SORCS2: variants seen among roughly 807,000 people sequenced by gnomAD.
SORCS2 encodes VPS10 domain-containing receptor SorCS2.
SORCS2 carries 100 observed loss-of-function variants against 141.6 expected under a neutral mutation model. The observed-to-expected ratio is 0.71, with a 90% confidence interval of 0.60 to 0.83. SORCS2 has a LOEUF of 0.83. Ranked by LOEUF, SORCS2 falls within the 40% of genes least tolerant of loss-of-function variation. SORCS2 has a pLI of 0.00. For synonymous variants in SORCS2, 789 were observed against 676.9 expected (o/e 1.17, Z -2.57); for missense variants, 1,646 against 1,560.2 (o/e 1.05, Z -0.93).
At chr4:7,247,694 CGGGGCGCGGCCTG>C (rs1485403648) in intron 1 of SORCS2, among the ~76,000 whole-genome samples, 4 of 152,180 alleles carry the variant, frequency 2.6e-5, no homozygotes, top group African/African-American at 9.7e-5. Flanking sequence ...AGGTGGGCAG[CGGGGCGCGGCCTG>C]GGGGACCTGG....
In SORCS2 at chr4:7,638,618, C is replaced by T. The variant is rs966037741; in HGVS notation, c.813+126C>T. The T allele has an allele frequency of 3.9e-5, 39 of 1,008,346 alleles. 2 individuals carry two copies. The highest frequency in any genetic ancestry group is 5.2e-4 in the Middle Eastern group (2 of 3,814). The allele number at this position is 1,008,346 out of a possible 1,614,324, so 62.5% of individuals were successfully genotyped here. On this transcript the variant is annotated intron_variant, in intron 4 of 26. Coordinates refer to ENST00000507866, the MANE Select transcript of SORCS2 (RefSeq NM_020777.3). The stretch of plus-strand genomic sequence containing the variant: ...CTGGGCTGGCTGAGGAGGAGCCTCC[C>T]GGGGCTGGGGGCCGGGATGCTGGAC...
chr4:7,317,824 A>G (rs2336115), intron 1 of SORCS2, among the ~76,000 whole-genome samples: 89,619 of 152,010 alleles, frequency 0.59, 26,489 homozygotes, highest in South Asian at 0.72. Context: ...TCCACCATTC[A>G]GCTGATTCTA....
chr4:7,556,168 G>T (rs954035508), intron 3 of SORCS2, among the ~76,000 whole-genome samples: 1 of 152,212 alleles, frequency 6.6e-6, no homozygotes, highest in African/African-American at 2.4e-5. Flanking sequence ...TCCAGGTGAG[G>T]GGTGATGGGG....
intron 1 of SORCS2, among the ~76,000 whole-genome samples, chr4:7,279,626 C>T (rs1317247409): frequency 6.6e-6 from 1 of 152,204 alleles, no homozygotes; most frequent in Non-Finnish European, 1.5e-5. Context: ...CAAGGCATGG[C>T]GCAGGCCTTA....
At chr4:7,464,202 A>G (rs562484686) in intron 2 of SORCS2, among the ~76,000 whole-genome samples, 1 of 152,184 alleles carries the variant, frequency 6.6e-6, no homozygotes, top group Non-Finnish European at 1.5e-5. Flanking sequence ...CAGTGCTGGG[A>G]TTCAACCTGC....
intron 1 of SORCS2, among the ~76,000 whole-genome samples, chr4:7,340,660 C>T (rs575138584): frequency 3.3e-5 from 5 of 152,316 alleles, no homozygotes; most frequent in African/African-American, 9.6e-5. Flanking sequence ...CGCTTGCACA[C>T]CTGTGGGTGG....
At chr4:7,293,075 C>G (rs189106940) in intron 1 of SORCS2, among the ~76,000 whole-genome samples, 4 of 152,050 alleles carry the variant, frequency 2.6e-5, no homozygotes, top group African/African-American at 9.7e-5. Context: ...AGGCCCGAGG[C>G]GGGCGGATCA....
At position 7,430,581 on chromosome 4, in the gene SORCS2, T is replaced by G. The variant is rs1285453018; in HGVS notation, c.548+34226T>G. ...TGTGTCTGGCTGAAGGTGCAGGTACTTGCTCGGCTCTGGCAGCCCGGCGGG... is the reference window on the plus strand; with the variant it reads ...TGTGTCTGGCTGAAGGTGCAGGTACGTGCTCGGCTCTGGCAGCCCGGCGGG... On this transcript the variant is annotated intron_variant, in intron 2 of 26. Coordinates refer to ENST00000507866, the MANE Select transcript of SORCS2 (RefSeq NM_020777.3). 6 of 152,164 alleles carry G rather than the reference T, an allele frequency of 3.9e-5. No homozygotes were observed. In the East Asian group the frequency reaches 1.2e-3, roughly 29 times the overall value. The allele number at this position is 152,164 out of a possible 1,614,324, so 9.4% of individuals were successfully genotyped here.
intron 3 of SORCS2, among the ~76,000 whole-genome samples, chr4:7,607,128 T>G (rs1367374390): frequency 6.6e-6 from 1 of 152,240 alleles, no homozygotes; most frequent in Non-Finnish European, 1.5e-5. Context: ...TAGTATTTCA[T>G]TGACTTCATG....
chr4:7,551,706 C>G (rs149435661), intron 3 of SORCS2, among the ~76,000 whole-genome samples: 1 of 152,194 alleles, frequency 6.6e-6, no homozygotes, highest in Non-Finnish European at 1.5e-5. Context: ...CACCCTCACC[C>G]GGAGCCTTCC....
intron 3 of SORCS2, among the ~76,000 whole-genome samples, chr4:7,608,203 C>T (rs1223091118): frequency 6.6e-6 from 1 of 152,176 alleles, no homozygotes; most frequent in Non-Finnish European, 1.5e-5. Context: ...GCCTGCCATG[C>T]TCCCTGGCAG....
chr4:7,617,054 T>A (rs1249027530), intron 3 of SORCS2, among the ~76,000 whole-genome samples: 2 of 152,236 alleles, frequency 1.3e-5, no homozygotes, highest in Non-Finnish European at 1.5e-5. Flanking sequence ...AACATGGACC[T>A]CGTGGTGCCT....
chr4:7,542,132 C>T (rs1029946697), intron 3 of SORCS2, among the ~76,000 whole-genome samples: 7 of 152,210 alleles, frequency 4.6e-5, no homozygotes, highest in Non-Finnish European at 1.0e-4. Context: ...CCATTGGCAG[C>T]CCCTCCTCCT....
chr4:7,195,819 C>G (rs1228906035), intron 1 of SORCS2, among the ~76,000 whole-genome samples: 6 of 152,222 alleles, frequency 3.9e-5, no homozygotes, highest in African/African-American at 1.4e-4. Context: ...AAAGCTACAA[C>G]CAGACAGAAA....
chr4:7,214,128 C>T (rs1034592679), intron 1 of SORCS2, among the ~76,000 whole-genome samples: 1 of 152,182 alleles, frequency 6.6e-6, no homozygotes, highest in Non-Finnish European at 1.5e-5. Context: ...TTGCTTGCAG[C>T]TCTCCCCACT....
intron 2 of SORCS2, among the ~76,000 whole-genome samples, chr4:7,437,041 G>A (rs991360321): frequency 1.2e-4 from 19 of 152,110 alleles, no homozygotes; most frequent in Non-Finnish European, 2.4e-4. Context: ...CAACACCAAC[G>A]ACCGATTCTT....
intron 2 of SORCS2, among the ~76,000 whole-genome samples, chr4:7,500,960 G>A (rs1166603038): frequency 1.3e-5 from 2 of 152,202 alleles, no homozygotes; most frequent in African/African-American, 2.4e-5. Context: ...GCCTTCCCAG[G>A]GAGCTCGGCT....
intron 1 of SORCS2, among the ~76,000 whole-genome samples, chr4:7,217,462 G>A (rs1327447737): frequency 2.6e-5 from 4 of 152,234 alleles, no homozygotes; most frequent in African/African-American, 4.8e-5. Context: ...GGTTCCAGGG[G>A]CCAGAGCCTG....
intron 3 of SORCS2, among the ~76,000 whole-genome samples, chr4:7,620,413 C>T (rs1006821817): frequency 6.6e-6 from 1 of 152,190 alleles, no homozygotes. Context: ...CTGTGGAGTC[C>T]CACCCTGGGG....
Sources: gnomAD v4.1 joint callset for allele counts (sites outside exome capture counted in the v4.1 genomes callset) on GRCh38, gnomAD v4.1.1 for gene constraint, MANE v1.5 for transcripts, NCBI Gene and HGNC (gene_info 2026-07-23, HGNC 2026-07-21) for gene names.